The following MRC1 variants were observed in gnomAD, a reference collection of about 807,000 sequenced individuals.
The protein encoded by MRC1 is mannose receptor C-type 1.
A neutral mutation model predicts 102.9 loss-of-function variants in MRC1; 62 were observed. That is an observed-to-expected ratio of 0.60 (90% CI 0.49 to 0.74). The LOEUF is 0.74. MRC1 is among the 30% of genes least tolerant of loss of function. MRC1 has a pLI of 0.00. For missense variants in MRC1, 1,237 were observed against 862.8 expected, an observed-to-expected ratio of 1.43 and a Z score of -5.43; for synonymous variants, 457 against 298.4, an observed-to-expected ratio of 1.53 and a Z score of -5.48.
intron 9 of MRC1, among the ~76,000 whole-genome samples, chr10:17,857,254 A>G (rs1336883715): frequency 1.3e-5 from 2 of 152,312 alleles, no homozygotes; most frequent in African/African-American, 4.8e-5. Flanking sequence ...CAGAGAAGCA[A>G]CGTAGCTTTC....
Position 17,816,678 on chromosome 10 carries a change from G to A in MRC1, c.62-6396G>A, listed in dbSNP as rs989119245. On this transcript the variant is annotated intron_variant, in intron 1 of 29. Coordinates refer to ENST00000569591, the MANE Select transcript of MRC1 (RefSeq NM_002438.4). ...TGCATGCACCTAAACAGCGAAGGCCGAGGAGAAATAGTATAAATCTGGAGG... is the reference window on the plus strand; with the variant it reads ...TGCATGCACCTAAACAGCGAAGGCCAAGGAGAAATAGTATAAATCTGGAGG... Among the ~76,000 whole-genome samples, 1,067 of 152,288 alleles carry A rather than the reference G, an allele frequency of 7.0e-3. 21 individuals carry two copies. Among genetic ancestry groups the A allele is most frequent in the African/African-American group, 0.024 (983 of 41,556 alleles).
In MRC1 at chr10:17,877,952, T is replaced by G; in HGVS notation, c.2603T>G (p.Leu868Trp). 1.1e-6 allele frequency: 1 copy of G among 872,258 alleles called. No homozygotes were observed. The highest frequency in any genetic ancestry group is 1.3e-5 in the South Asian group (1 of 76,528). 54.0% of individuals were successfully genotyped at this position (872,258 alleles called of 1,614,324 possible). The stretch of plus-strand genomic sequence containing the variant: ...TATTTTATTGGTTTATTGATCAGCT[T>G]GGATAAAAAGTTTGCGTAAGTAAAT... ...SAYFIGLLIS[L>W]DKKFAWMDGS... Residue 868 changes from leucine (L) to tryptophan (W), a missense_variant, in exon 18 of 30, where the codon TTG becomes TGG. Leu to Trp is a moderately conservative substitution (Grantham distance 61). Coordinates refer to ENST00000569591, the MANE Select transcript of MRC1 (RefSeq NM_002438.4).
intron 26 of MRC1, among the ~76,000 whole-genome samples, chr10:17,904,296 C>T (rs1833869039): frequency 1.3e-5 from 2 of 152,170 alleles, no homozygotes; most frequent in South Asian, 4.2e-4. Flanking sequence ...GAAGTATTTT[C>T]TTCAGTAGTT....
intron 11 of MRC1, among the ~76,000 whole-genome samples, chr10:17,864,645 A>T (rs968513332): frequency 6.6e-6 from 1 of 151,958 alleles, no homozygotes; most frequent in South Asian, 2.1e-4. Context: ...CCTGGCCAAC[A>T]TAGGGAAACC....
At chr10:17,823,997 G>C (rs1554838505) in intron 2 of MRC1, among the ~76,000 whole-genome samples, 1 of 152,194 alleles carries the variant, frequency 6.6e-6, no homozygotes, top group Non-Finnish European at 1.5e-5. Flanking sequence ...GGTATTTAGA[G>C]ACTGTAATAA....
intron 28 of MRC1, among the ~76,000 whole-genome samples, chr10:17,909,091 A>G (rs973875709): frequency 6.6e-6 from 1 of 152,180 alleles, no homozygotes; most frequent in African/African-American, 2.4e-5. Context: ...TGGCTCAGAC[A>G]GAGAGACAGA....
chr10:17,868,991 G>A lies in MRC1; in HGVS notation c.1984-1255G>A, dbSNP rs916138316. On this transcript the variant is annotated intron_variant, in intron 12 of 29. Coordinates refer to ENST00000569591, the MANE Select transcript of MRC1 (RefSeq NM_002438.4). ...CAGATTCATCTTATTCCTAGCCTTCGCCTGAGGATGTTAGGCGATGGAGAT... is the reference window on the plus strand; with the variant it reads ...CAGATTCATCTTATTCCTAGCCTTCACCTGAGGATGTTAGGCGATGGAGAT... Among the ~76,000 whole-genome samples, 7 of 152,106 alleles carry A rather than the reference G, an allele frequency of 4.6e-5. No individual in the cohort carries two copies. The South Asian group carries it at 6.2e-4, about 14-fold the overall frequency.
chr10:17,905,691 G>A (rs1833885603), intron 26 of MRC1, among the ~76,000 whole-genome samples: 1 of 152,042 alleles, frequency 6.6e-6, no homozygotes, highest in Non-Finnish European at 1.5e-5. Flanking sequence ...ATGTAGTCAT[G>A]CAGTGAAAAC....
intron 2 of MRC1, among the ~76,000 whole-genome samples, chr10:17,824,436 C>T (rs1838443672): frequency 6.6e-6 from 1 of 152,158 alleles, no homozygotes; most frequent in Admixed American, 6.6e-5. Context: ...TTGAACCTAG[C>T]TTATCTCAGC....
intron 23 of MRC1, 82 bp downstream of exon 23, chr10:17,894,394 C>CTTTCT (rs1554843324): frequency 2.6e-4 from 106 of 406,320 alleles, no homozygotes; most frequent in African/African-American, 2.2e-3. Context: ...TTCTTTCTTT[C>CTTTCT]TTTTTTTTTT....
rs1589191456 is a variant in MRC1 at position 17,885,356 on chromosome 10, C to T, written c.3068C>T (p.Thr1023Met). 2 of 780,814 alleles carry T rather than the reference C, an allele frequency of 2.6e-6. No homozygotes were observed. The highest frequency in any genetic ancestry group is 1.3e-5 in the South Asian group (1 of 74,618). The allele number at this position is 780,814 out of a possible 1,614,324, so 48.4% of individuals were successfully genotyped here. ...AATTCAGAACACACGTTCCTTTGGACGGATGGACGAGGAGTCCATTACACA... is the reference window on the plus strand; with the variant it reads ...AATTCAGAACACACGTTCCTTTGGATGGATGGACGAGGAGTCCATTACACA... ...DVNSEHTFLWTDGRGVHYTNW... is the reference protein window; with the variant it reads ...DVNSEHTFLWMDGRGVHYTNW... Residue 1023 changes from threonine to methionine, a missense_variant, in exon 22 of 30, where the codon ACG becomes ATG. By Grantham distance (81) the Thr-to-Met change is moderately conservative. Transcript: ENST00000569591.
At chr10:17,899,957 G>C (rs1041483449) in intron 24 of MRC1, among the ~76,000 whole-genome samples, 2 of 151,850 alleles carry the variant, frequency 1.3e-5, no homozygotes, top group Admixed American at 1.3e-4. Flanking sequence ...AAAATTAGCC[G>C]GGCATGGTGG....
At chr10:17,906,166 A>G (rs1833892153) in intron 26 of MRC1, among the ~76,000 whole-genome samples, 1 of 152,150 alleles carries the variant, frequency 6.6e-6, no homozygotes, top group Non-Finnish European at 1.5e-5. Flanking sequence ...ACTGTTATGT[A>G]TAGGACCAGT....
At chr10:17,880,396 A>G in intron 19 of MRC1, 129 bp from the exon 20 acceptor site, 2 of 714,618 alleles carry the variant, frequency 2.8e-6, no homozygotes, top group South Asian at 1.6e-5. Context: ...CTAGTCACAT[A>G]TAAAAATAAA....
Position 17,856,418 on chromosome 10 carries a change from T to C in MRC1, c.1518+66T>C. The C allele has an allele frequency of 3.7e-6, 3 of 803,270 alleles. No individual in the cohort carries two copies. In the South Asian group the frequency reaches 4.3e-5, roughly 12 times the overall value. The allele number at this position is 803,270 out of a possible 1,614,324, so 49.8% of individuals were successfully genotyped here. A position where few individuals can be genotyped will look rare whatever the true frequency, so the allele number is the denominator to read the frequency against. On this transcript the variant is annotated intron_variant, in intron 9 of 29. Transcript: ENST00000569591. The stretch of plus-strand genomic sequence containing the variant: ...ATGAGTTGATACCGTTGGCTTTATT[T>C]TTATGTGTGAAAGTGCCTTGTTATT...
At chr10:17,879,556 T>A (rs2130688813) in intron 18 of MRC1, among the ~76,000 whole-genome samples, 165 bp from the exon 19 acceptor site, 1 of 152,272 alleles carries the variant, frequency 6.6e-6, no homozygotes, top group East Asian at 1.9e-4. Context: ...AGAGATGGAG[T>A]TTCCCCATGT....
intron 24 of MRC1, among the ~76,000 whole-genome samples, chr10:17,899,318 T>C (rs1833798000): frequency 6.6e-6 from 1 of 152,242 alleles, no homozygotes; most frequent in Non-Finnish European, 1.5e-5. Context: ...TAAGTTTTTA[T>C]AATTAAGTCA....
At chr10:17,834,025 C>A (rs1838623109) in intron 4 of MRC1, among the ~76,000 whole-genome samples, 186 bp downstream of exon 4, 1 of 152,216 alleles carries the variant, frequency 6.6e-6, no homozygotes, top group Non-Finnish European at 1.5e-5. Flanking sequence ...GCTCTCATTT[C>A]CTGTGCCAAC....
rs1056602644 is a variant in MRC1 at position 17,897,536 on chromosome 10, A to G, written c.3251-498A>G. 6.8e-4 allele frequency among the ~76,000 whole-genome samples: 101 copies of G among 149,624 alleles called. 2 individuals carry two copies. The highest frequency in any genetic ancestry group is 5.2e-3 in the East Asian group (27 of 5,184). On this transcript the variant is annotated intron_variant, in intron 23 of 29. Transcript: ENST00000569591. Reference sequence around the variant, plus strand: ...TGTATGGCTGCATTCCAGAATCTACACCCGTTACCTGAATGTGCATTACTC... The same window carrying G: ...TGTATGGCTGCATTCCAGAATCTACGCCCGTTACCTGAATGTGCATTACTC...
Sources: gnomAD v4.1 joint callset for allele counts (sites outside exome capture counted in the v4.1 genomes callset) on GRCh38, gnomAD v4.1.1 for gene constraint, MANE v1.5 for transcripts, NCBI Gene and HGNC (gene_info 2026-07-23, HGNC 2026-07-21) for gene names.